The following CHCHD6 variants were observed in gnomAD, a reference collection of about 807,000 sequenced individuals.
CHCHD6 encodes MICOS complex subunit MIC25.
CHCHD6 carries 28 observed loss-of-function variants against 32.3 expected under a neutral mutation model. The ratio of observed to expected loss-of-function variants is 0.87; its 90% confidence interval spans 0.64 to 1.19. The LOEUF is 1.19. Ranked by LOEUF, CHCHD6 falls within the 50% of genes most tolerant of loss-of-function variation. The pLI is 0.00. For synonymous variants in CHCHD6, 122 were observed against 117.5 expected (o/e 1.04, Z -0.25); for missense variants, 333 against 307.0 (o/e 1.08, Z -0.63).
intron 4 of CHCHD6, among the ~76,000 whole-genome samples, chr3:126,783,345 GTTATACTGAACAGTGA>G (rs1401969211): frequency 6.6e-6 from 1 of 152,220 alleles, no homozygotes; most frequent in Non-Finnish European, 1.5e-5. Flanking sequence ...CACAGCTAAT[GTTATACTGAACAGTGA>G]AAGACTGAAA....
intron 4 of CHCHD6, among the ~76,000 whole-genome samples, chr3:126,798,525 T>C (rs1285047887): frequency 6.6e-6 from 1 of 152,184 alleles, no homozygotes; most frequent in South Asian, 2.1e-4. Context: ...TGTTTTTCCT[T>C]TGTGGCAGGC....
chr3:126,917,846 A>G (rs139502732), intron 6 of CHCHD6, among the ~76,000 whole-genome samples: 6 of 152,282 alleles, frequency 3.9e-5, no homozygotes, highest in South Asian at 2.1e-4. Context: ...GACACCATCT[A>G]TGAATCAGAA....
At chr3:126,723,146 C>T (rs1017663660) in intron 1 of CHCHD6, among the ~76,000 whole-genome samples, 1 of 152,132 alleles carries the variant, frequency 6.6e-6, no homozygotes, top group African/African-American at 2.4e-5. Context: ...TCCTTATTCC[C>T]TTCCATTGAT....
In CHCHD6 at chr3:126,902,727, A is replaced by G. The variant is rs1406028857; in HGVS notation, c.496-11953A>G. Reference sequence around the variant, plus strand: ...GCAAGACTCCATCTCAAAAAAAAAAAAAAAAAAATCAATGTAGTGCTCGGA... The same window carrying G: ...GCAAGACTCCATCTCAAAAAAAAAAGAAAAAAAATCAATGTAGTGCTCGGA... On this transcript the variant is annotated intron_variant, in intron 5 of 7. Transcript: ENST00000290913. Among the ~76,000 whole-genome samples, 6 of 151,896 alleles carry G rather than the reference A, an allele frequency of 4.0e-5. No individual in the cohort carries two copies. In the South Asian group the frequency reaches 8.3e-4, roughly 21 times the overall value.
chr3:126,723,619 CT>C (rs1471954888), intron 1 of CHCHD6, among the ~76,000 whole-genome samples: 7 of 152,116 alleles, frequency 4.6e-5, no homozygotes, highest in Non-Finnish European at 8.8e-5. Flanking sequence ...TATGTGTATT[CT>C]ACCTTGTTCT....
At chr3:126,835,060 A>G (rs1940797970) in intron 4 of CHCHD6, among the ~76,000 whole-genome samples, 2 of 152,182 alleles carry the variant, frequency 1.3e-5, no homozygotes, top group African/African-American at 4.8e-5. Context: ...CCAGAGAAGT[A>G]GCCCGGGTGG....
intron 4 of CHCHD6, among the ~76,000 whole-genome samples, chr3:126,774,039 T>C (rs1937591865): frequency 6.6e-6 from 1 of 152,254 alleles, no homozygotes; most frequent in Admixed American, 6.5e-5. Flanking sequence ...TATATTTCTG[T>C]AATGTCTTCT....
At chr3:126,770,491 A>G (rs1279181126) in intron 4 of CHCHD6, among the ~76,000 whole-genome samples, 4 of 152,160 alleles carry the variant, frequency 2.6e-5, no homozygotes, top group African/African-American at 9.7e-5. Flanking sequence ...CTTATTTTCA[A>G]GTATGCTCCT....
chr3:126,756,804 C>CAT (rs1236963533), intron 4 of CHCHD6, among the ~76,000 whole-genome samples: 2 of 152,200 alleles, frequency 1.3e-5, no homozygotes, highest in East Asian at 3.8e-4. Context: ...TTAGCACTTG[C>CAT]ATACTAGTTG....
At chr3:126,710,198 A>C (rs564583382) in intron 1 of CHCHD6, among the ~76,000 whole-genome samples, 54 of 152,312 alleles carry the variant, frequency 3.5e-4, no homozygotes, top group African/African-American at 1.3e-3. Context: ...TGTTGAAAAG[A>C]TTATTCTTTC....
At chr3:126,754,734 C>T (rs1158634115) in intron 4 of CHCHD6, among the ~76,000 whole-genome samples, 1 of 152,184 alleles carries the variant, frequency 6.6e-6, no homozygotes, top group Non-Finnish European at 1.5e-5. Flanking sequence ...GGATCACGTC[C>T]CTCCAGATGA....
At chr3:126,755,145 A>G (rs796182184) in intron 4 of CHCHD6, among the ~76,000 whole-genome samples, 5 of 152,296 alleles carry the variant, frequency 3.3e-5, no homozygotes, top group African/African-American at 1.2e-4. Flanking sequence ...GAACATGAGG[A>G]GGGAGAAGGG....
At chr3:126,897,352 T>C (rs1281665071) in intron 5 of CHCHD6, among the ~76,000 whole-genome samples, 1 of 152,224 alleles carries the variant, frequency 6.6e-6, no homozygotes, top group East Asian at 1.9e-4. Context: ...ATTTTTCTTC[T>C]TTTGGATTAA....
At chr3:126,751,503 C>CAAAAAAAA in intron 4 of CHCHD6, among the ~76,000 whole-genome samples, 1 of 71,754 alleles carries the variant, frequency 1.4e-5, no homozygotes, top group Non-Finnish European at 2.9e-5. Flanking sequence ...GACCCTGTCT[C>CAAAAAAAA]AAAAAAAAAA....
At chr3:126,787,664 C>T (rs1938289883) in intron 4 of CHCHD6, among the ~76,000 whole-genome samples, 1 of 152,064 alleles carries the variant, frequency 6.6e-6, no homozygotes, top group African/African-American at 2.4e-5. Flanking sequence ...GTGATTTTTG[C>T]ACATTGATTT....
Position 126,913,207 on chromosome 3 carries a change from C to CTTTTTTTTTTTTT in CHCHD6, c.496-1448_496-1436dup, listed in dbSNP as rs546179022. On this transcript the variant is annotated intron_variant, in intron 5 of 7. Transcript: ENST00000290913. ...GGATAATCATGCTGCCCGTATGAGC[C>CTTTTTTTTTTTTT]TTTTTTTTTTTTTTTTTTTTTTTTT... Among the ~76,000 whole-genome samples the CTTTTTTTTTTTTT allele has an allele frequency of 2.4e-4, 8 of 33,786 alleles. 1 individual carries two copies. The highest frequency in any genetic ancestry group is 1.0e-3 in the African/African-American group (8 of 7,642). The allele number at this position is 33,786 out of a possible 152,430, so 22.2% of individuals were successfully genotyped here.
intron 4 of CHCHD6, among the ~76,000 whole-genome samples, chr3:126,791,514 C>T: frequency 6.6e-6 from 1 of 152,286 alleles, no homozygotes; most frequent in South Asian, 2.1e-4. Context: ...ACTCAAGCCT[C>T]AGCAATGGCG....
intron 6 of CHCHD6, among the ~76,000 whole-genome samples, chr3:126,923,168 GC>G (rs1184538624): frequency 6.6e-6 from 1 of 152,204 alleles, no homozygotes; most frequent in Non-Finnish European, 1.5e-5. Context: ...ACATCCCTGG[GC>G]CAGATGATTT....
intron 5 of CHCHD6, among the ~76,000 whole-genome samples, chr3:126,905,935 T>A (rs1180934233): frequency 6.6e-6 from 1 of 152,014 alleles, no homozygotes; most frequent in African/African-American, 2.4e-5. Context: ...GACGAGGGCA[T>A]GTAACAGGAG....
Sources: allele counts gnomAD v4.1 joint callset (sites outside exome capture counted in the v4.1 genomes callset), GRCh38; gene constraint gnomAD v4.1.1; transcripts MANE v1.5; gene names NCBI Gene and HGNC (gene_info 2026-07-23, HGNC 2026-07-21).